AMMECR1L: variants seen among roughly 807,000 people sequenced by gnomAD.
The protein encoded by AMMECR1L is AMMECR1 like.
A neutral mutation model predicts 36.8 loss-of-function variants in AMMECR1L; 4 were observed. That is an observed-to-expected ratio of 0.11 (90% CI 0.05 to 0.25). The LOEUF (loss-of-function observed/expected upper bound fraction) is 0.25. AMMECR1L is among the 10% of genes least tolerant of loss of function. The probability of loss-of-function intolerance (pLI) is 1.00; values close to 1 mark genes in which losing one functional copy is unlikely to be tolerated. For synonymous variants in AMMECR1L, 147 were observed against 148.0 expected, an observed-to-expected ratio of 0.99 and a Z score of 0.05; for missense variants, 232 against 392.1, an observed-to-expected ratio of 0.59 and a Z score of 3.45.
rs1573549172 is a variant in AMMECR1L at position 127,873,231 on chromosome 2, T to C, written c.407+597A>G. 2.0e-6 allele frequency: 2 copies of C among 985,498 alleles called. No homozygotes were observed. The highest frequency in any genetic ancestry group is 2.4e-6 in the Non-Finnish European group (2 of 829,942). 61.0% of individuals were successfully genotyped at this position (985,498 alleles called of 1,614,324 possible). ...TAGCATGGAATTCTTCAGTTTACTT[T>C]ATACATATTGCTTATTTAAGTCACT... On this transcript the variant is annotated intron_variant, in intron 3 of 7. Transcript: ENST00000272647. The surrounding 1 kb of genome is among the most constrained non-coding windows in gnomAD (Gnocchi z 5.2).
chr2:127,868,993 G>T (rs1690834290), intron 6 of AMMECR1L, among the ~76,000 whole-genome samples: 1 of 152,178 alleles, frequency 6.6e-6, no homozygotes. Context: ...AAAATGCTGG[G>T]ATTATAGGAG....
At position 127,872,244 on chromosome 2, in the gene AMMECR1L, C is replaced by T. The variant is rs1269077910; in HGVS notation, c.408-885G>A. On this transcript the variant is annotated intron_variant, in intron 3 of 7. Coordinates refer to ENST00000272647, the MANE Select transcript of AMMECR1L (RefSeq NM_001199140.2). ...AATAGAGGGGGGCCTCACTATGTTG[C>T]CCAGGCTAATCTTGAACTCCTGGGC... 2.6e-5 allele frequency among the ~76,000 whole-genome samples: 4 copies of T among 151,686 alleles called. No individual in the cohort carries two copies. In the East Asian group the frequency reaches 7.7e-4, roughly 29 times the overall value.
rs533875433 is a variant in AMMECR1L, at chr2:127,865,147, A to G, written c.880T>C (p.Cys294Arg). 3.5e-5 allele frequency: 56 copies of G among 1,613,938 alleles called. No individual in the cohort carries two copies. The Admixed American group carries it at 9.0e-4, about 26-fold the overall frequency. The change falls in exon 8 of 8, where the codon TGT (cysteine) becomes CGT (arginine). Residue 294 changes from cysteine to arginine, a missense_variant. This residue lies in a region of AMMECR1L where 40 missense variants were observed against 34.5 expected (regional missense o/e 1.16). Transcript: ENST00000272647. This position sits in a 1 kb window ranked among gnomAD's most constrained non-coding sequence, Gnocchi z 5.4. ...YAEYIASRQHCFQNGTLHAPP... is the reference protein window; with the variant it reads ...YAEYIASRQHRFQNGTLHAPP... ...GCATGAAGAGTGCCGTTCTGGAAACAGTGCTGTCGGGAAGCAATATACTCT... is the reference window on the plus strand; with the variant it reads ...GCATGAAGAGTGCCGTTCTGGAAACGGTGCTGTCGGGAAGCAATATACTCT...
Position 127,871,148 on chromosome 2 carries a change from A to C in AMMECR1L, c.518+101T>G, listed in dbSNP as rs1324923231. On this transcript the variant is annotated intron_variant, in intron 4 of 7. Transcript: ENST00000272647. The surrounding 1 kb of genome is among the most constrained non-coding windows in gnomAD (Gnocchi z 4.3). ...CCCCTTACATTTCCTGATTACCAAA[A>C]AGAGAAAGCTCAACGTACATCACTT... 4 of 1,321,526 alleles carry C rather than the reference A, an allele frequency of 3.0e-6. No homozygotes were observed. The highest frequency in any genetic ancestry group is 4.2e-6 in the Non-Finnish European group (4 of 949,528). 81.9% of individuals were successfully genotyped at this position (1,321,526 alleles called of 1,614,324 possible).
chr2:127,861,735 T>C lies in AMMECR1L; in HGVS notation c.*3359A>G, dbSNP rs1037228806. 5 of 152,186 alleles carry C rather than the reference T, an allele frequency of 3.3e-5. No individual in the cohort carries two copies. Among genetic ancestry groups the C allele is most frequent in the African/African-American group, 1.2e-4 (5 of 41,450 alleles). The allele number at this position is 152,186 out of a possible 1,614,324, so 9.4% of individuals were successfully genotyped here. A position where few individuals can be genotyped will look rare whatever the true frequency, so the allele number is the denominator to read the frequency against. On this transcript the variant is annotated 3_prime_UTR_variant, in exon 8 of 8. Coordinates refer to ENST00000272647, the MANE Select transcript of AMMECR1L (RefSeq NM_001199140.2). ...AGGCAACCAAGTGTAATACAAAGAA[T>C]TGGTCTGAAGTCTTTGCACTGAAGG...
intron 5 of AMMECR1L, 29 bp downstream of exon 5, chr2:127,870,785 T>C (rs773239148): frequency 3.8e-6 from 6 of 1,563,240 alleles, no homozygotes; most frequent in Admixed American, 1.7e-5. Flanking sequence ...CAACGAGAGA[T>C]GCAGAGTTCC....
chr2:127,865,043 T>A lies in AMMECR1L; in HGVS notation c.*51A>T, dbSNP rs746524862. On this transcript the variant is annotated 3_prime_UTR_variant, in exon 8 of 8. Coordinates refer to ENST00000272647, the MANE Select transcript of AMMECR1L (RefSeq NM_001199140.2). The surrounding 1 kb of genome is among the most constrained non-coding windows in gnomAD (Gnocchi z 5.4). ...AGAGGAGGCATCTGCTCCAATGATG[T>A]CATAGCCATTGGTGGCCACGGGGGG... The A allele has an allele frequency of 7.9e-7, 1 of 1,270,084 alleles. No individual in the cohort carries two copies. Among genetic ancestry groups the A allele is most frequent in the South Asian group, 1.2e-5 (1 of 81,988 alleles). The allele number at this position is 1,270,084 out of a possible 1,614,324, so 78.7% of individuals were successfully genotyped here.
At chr2:127,870,726 T>A in intron 5 of AMMECR1L, 88 bp downstream of exon 5, 1 of 1,003,666 alleles carries the variant, frequency 1.0e-6, no homozygotes, top group Non-Finnish European at 1.5e-6. Context: ...TTATACCCTT[T>A]CTCTCAATGA....
At chr2:127,870,431 C>T (rs964141650) in intron 5 of AMMECR1L, among the ~76,000 whole-genome samples, 8 of 151,930 alleles carry the variant, frequency 5.3e-5, no homozygotes, top group African/African-American at 1.7e-4. Flanking sequence ...GCCGAGATCA[C>T]GTCACTGCAC....
intron 2 of AMMECR1L, among the ~76,000 whole-genome samples, chr2:127,877,084 A>G (rs923745202): frequency 1.3e-5 from 2 of 149,836 alleles, no homozygotes; most frequent in African/African-American, 4.9e-5. Flanking sequence ...AACAGTGACT[A>G]GTATGTGTTA....
Position 127,865,355 on chromosome 2 carries a change from A to T in AMMECR1L, c.822-150T>A. The T allele has an allele frequency of 1.8e-6, 1 of 542,180 alleles. No individual in the cohort carries two copies. The highest frequency in any genetic ancestry group is 3.3e-6 in the Non-Finnish European group (1 of 303,908). 33.6% of individuals were successfully genotyped at this position (542,180 alleles called of 1,614,324 possible). ...ATCTTACTTACAGAAAATGAAAGAC[A>T]GCACAAGAAAACAATGTTGTTATTA... On this transcript the variant is annotated intron_variant, in intron 7 of 7. Transcript: ENST00000272647. The surrounding 1 kb of genome is among the most constrained non-coding windows in gnomAD (Gnocchi z 5.4).
chr2:127,874,135 G>C lies in AMMECR1L; in HGVS notation c.100C>G (p.His34Asp). The C allele has an allele frequency of 6.2e-7, 1 of 1,614,190 alleles. No homozygotes were observed. Among genetic ancestry groups the C allele is most frequent in the Non-Finnish European group, 8.5e-7 (1 of 1,180,042 alleles). ...PKLSGSGTHSHGNQSTTVPGS... is the reference protein window; with the variant it reads ...PKLSGSGTHSDGNQSTTVPGS... Reference sequence around the variant, plus strand: ...GGGACAGTTGTGGACTGATTCCCGTGACTGTGCGTTCCACTTCCAGATAAT... The same window carrying C: ...GGGACAGTTGTGGACTGATTCCCGTCACTGTGCGTTCCACTTCCAGATAAT... The change falls in exon 3 of 8, where the codon CAC becomes GAC. Residue 34 changes from histidine (H) to aspartate (D), a missense_variant. Physicochemically the swap from His to Asp is moderately conservative, Grantham distance 81. This residue lies in a region of AMMECR1L where 109 missense variants were observed against 128.1 expected (regional missense o/e 0.85). Transcript: ENST00000272647. This position sits in a 1 kb window ranked among gnomAD's most constrained non-coding sequence, Gnocchi z 5.2.
chr2:127,871,852 G>C lies in AMMECR1L; in HGVS notation c.408-493C>G, dbSNP rs988763505. On this transcript the variant is annotated intron_variant, in intron 3 of 7. Transcript: ENST00000272647. This position sits in a 1 kb window ranked among gnomAD's most constrained non-coding sequence, Gnocchi z 4.3. ...AAATATTTCCACTCACAAATTTTCA[G>C]AAAAAAAAGTTCCCTCAAAAAACAT... Among the ~76,000 whole-genome samples, 1 of 151,330 alleles carries C rather than the reference G, an allele frequency of 6.6e-6. No homozygotes were observed. Among genetic ancestry groups the C allele is most frequent in the Non-Finnish European group, 1.5e-5 (1 of 67,800 alleles).
intron 2 of AMMECR1L, among the ~76,000 whole-genome samples, chr2:127,875,781 CCTCT>C (rs1691206489): frequency 7.3e-6 from 1 of 136,938 alleles, no homozygotes; most frequent in Admixed American, 7.2e-5. Context: ...CCTCCCCTCT[CCTCT>C]TCTCTCTCTC....
chr2:127,882,727 G>A (rs1691564679), intron 2 of AMMECR1L, among the ~76,000 whole-genome samples: 1 of 151,870 alleles, frequency 6.6e-6, no homozygotes, highest in Non-Finnish European at 1.5e-5. Context: ...CCAAGTAGCT[G>A]GGACCACCGC....
chr2:127,883,402 T>C (rs1691609431), intron 2 of AMMECR1L, among the ~76,000 whole-genome samples: 1 of 152,198 alleles, frequency 6.6e-6, no homozygotes, highest in Non-Finnish European at 1.5e-5. Context: ...GCCAGAACTA[T>C]ACATTTTCAT....
At position 127,864,951 on chromosome 2, in the gene AMMECR1L, G is replaced by T; in HGVS notation, c.*143C>A. 1.6e-6 allele frequency: 1 copy of T among 622,588 alleles called. No individual in the cohort carries two copies. 38.6% of individuals were successfully genotyped at this position (622,588 alleles called of 1,614,324 possible). The stretch of plus-strand genomic sequence containing the variant: ...AACCCTACCCTCCCTCAGTCAGCGG[G>T]AGGCAGACTTGGCAACGGAAGCTAG... On this transcript the variant is annotated 3_prime_UTR_variant, in exon 8 of 8. Transcript: ENST00000272647.
chr2:127,876,395 G>A (rs987457621), intron 2 of AMMECR1L, among the ~76,000 whole-genome samples: 4 of 151,362 alleles, frequency 2.6e-5, no homozygotes, highest in Non-Finnish European at 5.9e-5. Context: ...TGCGGTGTGC[G>A]GTGGGGATCC....
chr2:127,872,185 T>G (rs1691006013), intron 3 of AMMECR1L, among the ~76,000 whole-genome samples: 1 of 133,368 alleles, frequency 7.5e-6, no homozygotes, highest in Non-Finnish European at 1.6e-5. Context: ...AGACTCTGTC[T>G]CAAAAAGAAA....
Sources: gnomAD v4.1 joint callset for allele counts (sites outside exome capture counted in the v4.1 genomes callset) on GRCh38, gnomAD v4.1.1 for gene constraint, gnomAD v4.1.1 regional missense constraint, Gnocchi (gnomAD v3.1) non-coding constraint, MANE v1.5 for transcripts, NCBI Gene and HGNC (gene_info 2026-07-23, HGNC 2026-07-21) for gene names.